Variants in HERC3 observed in about 807,000 individuals in gnomAD.
The protein encoded by HERC3 is probable E3 ubiquitin-protein ligase HERC3.
In HERC3, 58 loss-of-function variants were observed where a neutral mutation model predicts 129.9. The ratio of observed to expected loss-of-function variants is 0.45; its 90% CI spans 0.36 to 0.56. HERC3 has a LOEUF of 0.56. HERC3 is among the 20% of genes least tolerant of loss of function. The pLI, the probability that HERC3 is intolerant of heterozygous loss-of-function variation, is 0.00. For synonymous variants in HERC3, 430 were observed against 451.0 expected (o/e 0.95, Z 0.59); for missense variants, 835 against 1,244.2 (o/e 0.67, Z 4.95).
chr4:88,690,520 A>C, intron 23 of HERC3: 1 of 985,406 alleles, frequency 1.0e-6, no homozygotes, highest in Non-Finnish European at 1.2e-6. Context: ...ATAGGCAAGC[A>C]TCCTGAGGAA....
intron 23 of HERC3, chr4:88,697,792 G>A (rs766847584): frequency 5.2e-6 from 8 of 1,547,826 alleles, no homozygotes; most frequent in East Asian, 2.3e-5. Context: ...GAGGGCTCCC[G>A]CAGAGGCCCT....
intron 3 of HERC3, among the ~76,000 whole-genome samples, chr4:88,616,138 T>C (rs1724872368): frequency 6.6e-6 from 1 of 152,172 alleles, no homozygotes; most frequent in Admixed American, 6.5e-5. Flanking sequence ...ATTATGTTCA[T>C]TTTTATTTTA....
intron 3 of HERC3, among the ~76,000 whole-genome samples, chr4:88,642,822 T>C (rs139215483): frequency 0.016 from 2,444 of 152,014 alleles, 61 homozygotes; most frequent in African/African-American, 0.056. Flanking sequence ...ATTCAGACCA[T>C]TGGACATGGC....
chr4:88,664,186 TTGGAA>T lies in HERC3; in HGVS notation c.1311_1315del (p.Asn437LysfsTer4). ...TTCAGATATTATCTTCTGCAGCCTG[TTGGAA>T]TGGAAGTTTTCTTGAAAAAAAGTAA... On this transcript the variant is annotated frameshift_variant, in exon 12 of 26. Transcript: ENST00000402738. LOFTEE classifies it high-confidence loss of function. The T allele has an allele frequency of 6.2e-7, 1 of 1,613,486 alleles. No homozygotes were observed. Among genetic ancestry groups the T allele is most frequent in the Non-Finnish European group, 8.5e-7 (1 of 1,179,620 alleles).
rs1560740469 is a variant in HERC3, at chr4:88,667,898, A to C, written c.1450A>C (p.Asn484His). 1.9e-6 allele frequency: 3 copies of C among 1,609,156 alleles called. No homozygotes were observed. Among genetic ancestry groups the C allele is most frequent in the Admixed American group, 1.7e-5 (1 of 59,322 alleles). Residue 484 changes from asparagine (N) to histidine (H), a missense_variant, in exon 14 of 26, where the codon AAC (asparagine) becomes CAC (histidine). Coordinates refer to ENST00000402738, the MANE Select transcript of HERC3 (RefSeq NM_014606.3). ...QHSMILEQIL[N>H]SFESCLIPQL... ...ACTCTTTTCCCTCATACAGATTTTGAACAGTTTTGAAAGTTGTCTGATTCC... is the reference window on the plus strand; with the variant it reads ...ACTCTTTTCCCTCATACAGATTTTGCACAGTTTTGAAAGTTGTCTGATTCC...
At chr4:88,689,702 C>T (rs547385753) in intron 23 of HERC3, among the ~76,000 whole-genome samples, 12 of 151,870 alleles carry the variant, frequency 7.9e-5, no homozygotes, top group Admixed American at 2.0e-4. Context: ...CTCGGCCTCC[C>T]GCATAACTAG....
At chr4:88,642,082 G>A (rs948388486) in intron 3 of HERC3, among the ~76,000 whole-genome samples, 2 of 132,426 alleles carry the variant, frequency 1.5e-5, no homozygotes, top group South Asian at 4.9e-4. Context: ...AGTGAGCCGA[G>A]ATCACACCAT....
At chr4:88,705,538 T>A (rs566464838) in intron 25 of HERC3, among the ~76,000 whole-genome samples, 1 of 152,370 alleles carries the variant, frequency 6.6e-6, no homozygotes, top group African/African-American at 2.4e-5. Context: ...TCTGGATATT[T>A]CATGCAAATT....
At chr4:88,680,750 G>T (rs1337730376) in intron 20 of HERC3, among the ~76,000 whole-genome samples, 1 of 152,152 alleles carries the variant, frequency 6.6e-6, no homozygotes, top group Non-Finnish European at 1.5e-5. Context: ...GCCACATGTG[G>T]TTATTTATAT....
intron 23 of HERC3, among the ~76,000 whole-genome samples, chr4:88,702,319 A>G (rs138963086): frequency 3.3e-4 from 51 of 152,336 alleles, no homozygotes; most frequent in African/African-American, 1.1e-3. Flanking sequence ...CCCATGTGTT[A>G]TCTACTCTTA....
intron 3 of HERC3, among the ~76,000 whole-genome samples, chr4:88,620,284 T>C (rs1176893138): frequency 6.6e-6 from 1 of 152,212 alleles, no homozygotes; most frequent in Non-Finnish European, 1.5e-5. Context: ...ATTTCAGACT[T>C]GATATTGACT....
At chr4:88,668,735 A>C (rs1018237637) in intron 14 of HERC3, 1 of 152,468 alleles carries the variant, frequency 6.6e-6, no homozygotes. Context: ...ATTGCAGCTC[A>C]GTAACTTCTG....
At chr4:88,531,571 C>A in the HERC3 span, among the ~76,000 whole-genome samples, 1 of 152,300 alleles carries the variant, frequency 6.6e-6, no homozygotes, top group Non-Finnish European at 1.5e-5. Flanking sequence ...TCTGTGGCAG[C>A]TGTTGCTCTC....
the HERC3 span, among the ~76,000 whole-genome samples, chr4:88,534,445 A>G: frequency 6.6e-6 from 1 of 152,036 alleles, no homozygotes; most frequent in Non-Finnish European, 1.5e-5. Flanking sequence ...TTTAAACACT[A>G]TAATTACCCA....
chr4:88,580,277 G>A, the HERC3 span, among the ~76,000 whole-genome samples: 2 of 152,054 alleles, frequency 1.3e-5, no homozygotes, highest in Non-Finnish European at 2.9e-5. Flanking sequence ...GTAATCCCAG[G>A]ACTTTGGGAG....
the HERC3 span, among the ~76,000 whole-genome samples, chr4:88,586,388 C>T: frequency 1.8e-4 from 23 of 127,526 alleles, no homozygotes; most frequent in Non-Finnish European, 3.4e-4. Context: ...GACGGAGTTT[C>T]GCTCTTGTTG....
chr4:88,586,746 C>T, the HERC3 span, among the ~76,000 whole-genome samples: 2 of 152,180 alleles, frequency 1.3e-5, no homozygotes, highest in Non-Finnish European at 2.9e-5. Flanking sequence ...AAGGACAGAT[C>T]ATTTCACTTT....
chr4:88,582,037 C>T, the HERC3 span, among the ~76,000 whole-genome samples: 1 of 152,040 alleles, frequency 6.6e-6, no homozygotes, highest in African/African-American at 2.4e-5. Flanking sequence ...ATGTCAACCC[C>T]GTATACTAAA....
chr4:88,670,748 A>G lies in HERC3; in HGVS notation c.1911+496A>G, dbSNP rs571662498. 2.3e-4 allele frequency among the ~76,000 whole-genome samples: 35 copies of G among 152,272 alleles called. No homozygotes were observed. The South Asian group carries it at 6.2e-3, about 27-fold the overall frequency. On this transcript the variant is annotated intron_variant, in intron 16 of 25. Coordinates refer to ENST00000402738, the MANE Select transcript of HERC3 (RefSeq NM_014606.3). ...CCATAATTAAAAAAACAAGACACAT[A>G]CAAATATGAATTTTTAGCTTTCCTC...
Sources: allele counts gnomAD v4.1 joint callset (sites outside exome capture counted in the v4.1 genomes callset), GRCh38; gene constraint gnomAD v4.1.1; transcripts MANE v1.5; gene names NCBI Gene and HGNC (gene_info 2026-07-23, HGNC 2026-07-21).